The following LRRTM4 variants were observed in gnomAD, a reference collection of about 807,000 sequenced individuals.
LRRTM4 encodes the protein leucine rich repeat transmembrane neuronal 4, also known as leucine-rich repeat transmembrane neuronal protein 4.
Under a neutral mutation model 47.6 loss-of-function variants are expected in LRRTM4, and 25 were observed. The ratio of observed to expected loss-of-function variants is 0.53; its 90% CI spans 0.38 to 0.73. The LOEUF (loss-of-function observed/expected upper bound fraction) is 0.73. LRRTM4 is among the 30% of genes least tolerant of loss of function. The pLI is 0.00. For missense variants in LRRTM4, 638 were observed against 713.4 expected (o/e 0.89, Z 1.20); for synonymous variants, 311 against 269.5 (o/e 1.15, Z -1.51).
intron 3 of LRRTM4, among the ~76,000 whole-genome samples, chr2:77,065,592 T>C (rs1679924942): frequency 2.0e-5 from 3 of 152,208 alleles, no homozygotes; most frequent in African/African-American, 7.2e-5. Context: ...CGTTGGATTA[T>C]ATGAAATGAA....
intron 3 of LRRTM4, among the ~76,000 whole-genome samples, chr2:76,882,163 T>C (rs1304311767): frequency 1.3e-5 from 2 of 152,180 alleles, no homozygotes; most frequent in East Asian, 3.9e-4. Flanking sequence ...AAGAAATTAA[T>C]ATTTTCTACT....
chr2:77,388,217 G>A (rs888310456), intron 3 of LRRTM4, among the ~76,000 whole-genome samples: 9 of 151,950 alleles, frequency 5.9e-5, no homozygotes, highest in African/African-American at 2.2e-4. Context: ...GGTTCTACGT[G>A]TGGAGAAGTG....
intron 3 of LRRTM4, among the ~76,000 whole-genome samples, chr2:77,422,693 G>A (rs1162596352): frequency 1.3e-5 from 2 of 152,082 alleles, no homozygotes; most frequent in Admixed American, 6.6e-5. Flanking sequence ...AGTTTATTTA[G>A]TGTTTATTTT....
intron 3 of LRRTM4, among the ~76,000 whole-genome samples, chr2:76,758,496 GTCTTCA>G (rs1220092217): frequency 1.3e-5 from 2 of 152,072 alleles, no homozygotes; most frequent in African/African-American, 4.8e-5. Context: ...AGACTGGCTG[GTCTTCA>G]TGAAAAGAGG....
At chr2:76,919,548 GT>G (rs762224996) in intron 3 of LRRTM4, among the ~76,000 whole-genome samples, 14 of 152,236 alleles carry the variant, frequency 9.2e-5, no homozygotes, top group Non-Finnish European at 1.8e-4. Flanking sequence ...AGGATATGAT[GT>G]TTGAAGCTGC....
intron 3 of LRRTM4, among the ~76,000 whole-genome samples, chr2:77,377,719 C>T (rs573951663): frequency 1.3e-4 from 19 of 151,950 alleles, no homozygotes; most frequent in Non-Finnish European, 2.8e-4. Context: ...TTTTCTGAAT[C>T]TCTGAAGATC....
At chr2:76,788,505 T>C (rs776426081) in intron 3 of LRRTM4, among the ~76,000 whole-genome samples, 4 of 152,224 alleles carry the variant, frequency 2.6e-5, no homozygotes, top group African/African-American at 4.8e-5. Context: ...TAATGCTCTC[T>C]ATTTAACCTG....
chr2:77,417,526 A>C (rs1409880905), intron 3 of LRRTM4, among the ~76,000 whole-genome samples: 1 of 152,196 alleles, frequency 6.6e-6, no homozygotes, highest in Non-Finnish European at 1.5e-5. Context: ...GATTAAGAAA[A>C]TGTGGCACAT....
intron 3 of LRRTM4, among the ~76,000 whole-genome samples, chr2:76,774,944 T>C (rs1482058874): frequency 6.6e-6 from 1 of 152,210 alleles, no homozygotes; most frequent in East Asian, 1.9e-4. Context: ...GCTTCTTCTA[T>C]GTCTTCTTCC....
intron 3 of LRRTM4, among the ~76,000 whole-genome samples, chr2:77,158,949 C>T (rs546735509): frequency 5.9e-5 from 9 of 152,192 alleles, no homozygotes; most frequent in Non-Finnish European, 8.8e-5. Flanking sequence ...CGCTTTCACT[C>T]CGTGAATATT....
intron 3 of LRRTM4, among the ~76,000 whole-genome samples, chr2:77,212,056 C>T (rs1299745860): frequency 1.3e-5 from 2 of 151,718 alleles, no homozygotes; most frequent in Admixed American, 6.6e-5. Flanking sequence ...GTTAATATAC[C>T]TCCTTTTTCC....
intron 3 of LRRTM4, among the ~76,000 whole-genome samples, chr2:77,018,993 A>C (rs561474474): frequency 5.7e-4 from 86 of 152,206 alleles, no homozygotes; most frequent in Non-Finnish European, 9.4e-4. Flanking sequence ...TTCTAAAGAA[A>C]AAAAATGAAA....
At chr2:76,795,005 A>G in intron 3 of LRRTM4, among the ~76,000 whole-genome samples, 1 of 151,776 alleles carries the variant, frequency 6.6e-6, no homozygotes, top group Non-Finnish European at 1.5e-5. Flanking sequence ...CTATAAAGAA[A>G]AATATTACCA....
intron 3 of LRRTM4, among the ~76,000 whole-genome samples, chr2:76,991,523 C>G (rs1028516292): frequency 1.3e-5 from 2 of 151,706 alleles, no homozygotes; most frequent in African/African-American, 4.8e-5. Context: ...ACACGAAGTA[C>G]AAATTCTAGC....
intron 3 of LRRTM4, among the ~76,000 whole-genome samples, chr2:76,864,891 GT>G (rs11347923): frequency 0.54 from 75,348 of 138,418 alleles, 20,925 homozygotes; most frequent in African/African-American, 0.72. Flanking sequence ...CACTTCAGCT[GT>G]TTTTTTTTTT....
Position 77,316,839 on chromosome 2 carries a change from C to A in LRRTM4, c.1551+201479G>T, listed in dbSNP as rs575459928. On this transcript the variant is annotated intron_variant, in intron 3 of 3. Coordinates refer to ENST00000409884, the MANE Select transcript of LRRTM4 (RefSeq NM_001134745.3). Reference sequence around the variant, plus strand: ...GAGATTATATGCGTGAGCCACTGCACCTTACCTATTCTCTTTTTGAAAGGC... The same window carrying A: ...GAGATTATATGCGTGAGCCACTGCAACTTACCTATTCTCTTTTTGAAAGGC... Among the ~76,000 whole-genome samples the A allele has an allele frequency of 9.2e-5, 14 of 152,312 alleles. No individual in the cohort carries two copies. In the East Asian group the frequency reaches 2.3e-3, roughly 25 times the overall value.
chr2:77,483,258 T>C (rs1677785939), intron 3 of LRRTM4, among the ~76,000 whole-genome samples: 1 of 151,886 alleles, frequency 6.6e-6, no homozygotes, highest in South Asian at 2.1e-4. Flanking sequence ...TAGATGAAAA[T>C]TTAAAAGACT....
intron 3 of LRRTM4, among the ~76,000 whole-genome samples, chr2:77,336,640 A>G (rs1326495350): frequency 6.6e-6 from 1 of 152,204 alleles, no homozygotes; most frequent in Admixed American, 6.5e-5. Flanking sequence ...GTAGATGGAG[A>G]AAAAGCATTT....
At chr2:77,187,494 G>C (rs890711222) in intron 3 of LRRTM4, among the ~76,000 whole-genome samples, 1 of 150,728 alleles carries the variant, frequency 6.6e-6, no homozygotes, top group African/African-American at 2.4e-5. Context: ...GGAGGGAGGA[G>C]GGATAGCATT....
Sources: gnomAD v4.1 joint callset for allele counts (sites outside exome capture counted in the v4.1 genomes callset) on GRCh38, gnomAD v4.1.1 for gene constraint, MANE v1.5 for transcripts, NCBI Gene and HGNC (gene_info 2026-07-23, HGNC 2026-07-21) for gene names.